The following TMEM255B variants were observed in gnomAD, a reference collection of about 807,000 sequenced individuals.
TMEM255B encodes the protein family with sequence similarity 70, member B.
In TMEM255B, 35 loss-of-function variants were observed where a neutral mutation model predicts 34.5. That is an observed-to-expected ratio of 1.01 (90% confidence interval 0.77 to 1.34). The LOEUF (loss-of-function observed/expected upper bound fraction) is 1.34. Ranked by LOEUF, TMEM255B falls within the 40% of genes most tolerant of loss-of-function variation. TMEM255B has a pLI of 0.00. For synonymous variants in TMEM255B, 206 were observed against 201.2 expected (o/e 1.02, Z -0.20); for missense variants, 432 against 433.2 (o/e 1.00, Z 0.02).
chr13:113,760,571 G>A (rs1274514737), intron 1 of TMEM255B, among the ~76,000 whole-genome samples: 2 of 152,110 alleles, frequency 1.3e-5, no homozygotes, highest in Non-Finnish European at 2.9e-5. Context: ...TAAAGCATTG[G>A]TGTGTCTGGG....
rs765264167 is a variant in TMEM255B at position 113,801,795 on chromosome 13, G to A, written c.652G>A (p.Gly218Arg). Residue 218 changes from glycine to arginine, a missense_variant, in exon 7 of 9, where the codon GGG becomes AGG. Transcript: ENST00000375353. ...FLGIITAAVL[G>R]AFKDMVPLSQ... ...GGGCATCATCACCGCCGCCGTCCTG[G>A]GGGCCTTCAAGGACATGGTGAGGCC... is the stretch of plus-strand genomic sequence containing the variant. 7 of 1,609,640 alleles carry A rather than the reference G, an allele frequency of 4.3e-6. No individual in the cohort carries two copies. The highest frequency in any genetic ancestry group is 5.9e-6 in the Non-Finnish European group (7 of 1,178,056).
intron 4 of TMEM255B, among the ~76,000 whole-genome samples, chr13:113,798,698 G>A (rs1594156547): frequency 6.6e-6 from 1 of 151,326 alleles, no homozygotes; most frequent in East Asian, 2.0e-4. Flanking sequence ...TGGATGGAAG[G>A]ATGGATGGAT....
At chr13:113,766,638 G>A (rs72672436) in intron 2 of TMEM255B, among the ~76,000 whole-genome samples, 18,576 of 152,198 alleles carry the variant, frequency 0.12, 1,377 homozygotes, top group Middle Eastern at 0.23. Flanking sequence ...CAAAAAGGCC[G>A]GACAGAGCCT....
intron 3 of TMEM255B, among the ~76,000 whole-genome samples, chr13:113,785,660 T>G (rs996409763): frequency 2.5e-4 from 38 of 152,212 alleles, no homozygotes; most frequent in African/African-American, 8.2e-4. Flanking sequence ...TTTGAAACCC[T>G]TAGGTCATTG....
intron 8 of TMEM255B, among the ~76,000 whole-genome samples, chr13:113,805,784 C>T (rs1016490864): frequency 6.6e-6 from 1 of 152,128 alleles, no homozygotes; most frequent in Non-Finnish European, 1.5e-5. Context: ...CCTGCCTGGA[C>T]GTGCCGTGTG....
intron 4 of TMEM255B, among the ~76,000 whole-genome samples, chr13:113,797,170 G>A (rs1344355560): frequency 6.6e-6 from 1 of 152,198 alleles, no homozygotes; most frequent in African/African-American, 2.4e-5. Flanking sequence ...GGAGGGCCAC[G>A]CGGGGCATGC....
chr13:113,804,991 C>A lies in TMEM255B; in HGVS notation c.776C>A (p.Pro259His). 6.2e-7 allele frequency: 1 copy of A among 1,606,362 alleles called. No individual in the cohort carries two copies. Among genetic ancestry groups the A allele is most frequent in the Non-Finnish European group, 8.5e-7 (1 of 1,179,492 alleles). The change falls in exon 8 of 9, where the codon CCC (proline) becomes CAC (histidine). Residue 259 changes from proline (P) to histidine (H), a missense_variant. Coordinates refer to ENST00000375353, the MANE Select transcript of TMEM255B (RefSeq NM_182614.4). The part of the protein sequence containing the change: ...AYAGFRLTPE[P>H]VPTCSSYPLP... ...GCAGGCTTCCGCCTGACGCCCGAGC[C>A]CGTCCCGACCTGCTCGTCCTACCCT...
At position 113,804,970 on chromosome 13, in the gene TMEM255B, G is replaced by GCTT. The variant is rs774954689; in HGVS notation, c.757_759dup (p.Phe253dup). 8.7e-6 allele frequency: 14 copies of GCTT among 1,606,588 alleles called. No individual in the cohort carries two copies. The highest frequency in any genetic ancestry group is 2.5e-6 in the Non-Finnish European group (3 of 1,179,778). On this transcript the variant is annotated inframe_insertion, in exon 8 of 9. Transcript: ENST00000375353. ...GCCCAGCAGATCCTGGCCTACGCAG[G>GCTT]CTTCCGCCTGACGCCCGAGCCCGTC...
At chr13:113,761,837 A>G (rs1027571212) in intron 1 of TMEM255B, among the ~76,000 whole-genome samples, 1 of 152,130 alleles carries the variant, frequency 6.6e-6, no homozygotes, top group African/African-American at 2.4e-5. Flanking sequence ...AGATGTGTCT[A>G]TGTCCTCATC....
chr13:113,766,386 C>A, intron 2 of TMEM255B, 129 bp downstream of exon 2: 4 of 1,374,262 alleles, frequency 2.9e-6, no homozygotes, highest in Non-Finnish European at 4.1e-6. Context: ...TGCTTGTGGT[C>A]GGCAGGGTTA....
At chr13:113,793,610 C>T (rs1332022738) in intron 3 of TMEM255B, among the ~76,000 whole-genome samples, 1 of 152,254 alleles carries the variant, frequency 6.6e-6, no homozygotes, top group Non-Finnish European at 1.5e-5. Context: ...CCTACCGCCT[C>T]ATCACTCACA....
intron 2 of TMEM255B, chr13:113,766,557 G>A (rs930995128): frequency 2.2e-6 from 1 of 453,542 alleles, no homozygotes; most frequent in Non-Finnish European, 4.1e-6. Context: ...TGACCAGAGG[G>A]CAGGAGGGGG....
chr13:113,807,724 C>T (rs2051208904), intron 8 of TMEM255B, among the ~76,000 whole-genome samples: 2 of 133,116 alleles, frequency 1.5e-5, no homozygotes, highest in Admixed American at 1.6e-4. Context: ...CTCCCTGTCA[C>T]ACGTGGGCTT....
At chr13:113,768,140 C>G (rs2140805095) in intron 2 of TMEM255B, 2 of 460,382 alleles carry the variant, frequency 4.3e-6, no homozygotes, top group South Asian at 3.1e-5. Flanking sequence ...GGCGGGCCAC[C>G]CCTTCCAACA....
chr13:113,789,185 A>G (rs1357936844), intron 3 of TMEM255B, among the ~76,000 whole-genome samples: 5 of 146,868 alleles, frequency 3.4e-5, no homozygotes, highest in South Asian at 2.1e-4. Context: ...TTGTAAATCT[A>G]CTTTCTTCTG....
chr13:113,763,002 C>T (rs2050332787), intron 1 of TMEM255B, among the ~76,000 whole-genome samples: 1 of 152,144 alleles, frequency 6.6e-6, no homozygotes, highest in African/African-American at 2.4e-5. Context: ...TCTTAAAATA[C>T]ATTTAAACAG....
At chr13:113,781,605 A>T (rs564928946) in intron 3 of TMEM255B, among the ~76,000 whole-genome samples, 1 of 152,198 alleles carries the variant, frequency 6.6e-6, no homozygotes, top group African/African-American at 2.4e-5. Flanking sequence ...TGGGACTTAG[A>T]CAGAAGTGCA....
chr13:113,794,587 C>G (rs1242520657), intron 3 of TMEM255B, among the ~76,000 whole-genome samples: 1 of 152,012 alleles, frequency 6.6e-6, no homozygotes, highest in African/African-American at 2.4e-5. Flanking sequence ...GGGATGGAGA[C>G]TCCCTGCTAG....
chr13:113,807,028 C>T (rs917920427), intron 8 of TMEM255B, among the ~76,000 whole-genome samples: 7 of 152,240 alleles, frequency 4.6e-5, no homozygotes, highest in African/African-American at 1.4e-4. Flanking sequence ...AGAGACAACA[C>T]GTGGTTCCAT....
Sources: gnomAD v4.1 joint callset for allele counts (sites outside exome capture counted in the v4.1 genomes callset) on GRCh38, gnomAD v4.1.1 for gene constraint, MANE v1.5 for transcripts, NCBI Gene and HGNC (gene_info 2026-07-23, HGNC 2026-07-21) for gene names.